Variants in ADAMTSL1 observed in about 807,000 individuals in gnomAD.
ADAMTSL1 encodes the protein ADAMTS-like protein 1.
In ADAMTSL1, 126 loss-of-function variants were observed where a neutral mutation model predicts 201.8. That is an observed-to-expected ratio of 0.62 (90% CI 0.54 to 0.72). ADAMTSL1 has a LOEUF of 0.72. ADAMTSL1 is among the 30% of genes least tolerant of loss of function. The probability of loss-of-function intolerance (pLI) is 0.00; values close to 1 mark genes in which losing one functional copy is unlikely to be tolerated. For missense variants in ADAMTSL1, 2,679 were observed against 2,277.8 expected, an observed-to-expected ratio of 1.18 and a Z score of -3.59; for synonymous variants, 1,121 against 903.4, an observed-to-expected ratio of 1.24 and a Z score of -4.32.
intron 2 of ADAMTSL1, among the ~76,000 whole-genome samples, chr9:18,223,697 T>G (rs1587346896): frequency 1.3e-5 from 2 of 152,122 alleles, no homozygotes. Flanking sequence ...TATATCTGTT[T>G]TATGTATTGT....
chr9:18,186,831 CAACA>C, intron 2 of ADAMTSL1, among the ~76,000 whole-genome samples: 1 of 104,028 alleles, frequency 9.6e-6, no homozygotes, highest in African/African-American at 3.3e-5. Flanking sequence ...TATCACTGTA[CAACA>C]CACACACACA....
intron 1 of ADAMTSL1, among the ~76,000 whole-genome samples, chr9:18,019,958 G>A (rs1380263236): frequency 6.6e-6 from 1 of 152,100 alleles, no homozygotes; most frequent in Non-Finnish European, 1.5e-5. Context: ...CTATGCACCA[G>A]TGACTTCCTT....
chr9:18,577,940 T>G (rs1406423948), intron 4 of ADAMTSL1, among the ~76,000 whole-genome samples: 1 of 151,968 alleles, frequency 6.6e-6, no homozygotes. Flanking sequence ...TTCTTTGAAC[T>G]GGAGATAGTT....
At chr9:18,838,360 TACACACACACACACACACAC>T (rs775337751) in intron 23 of ADAMTSL1, among the ~76,000 whole-genome samples, 2,004 of 86,748 alleles carry the variant, frequency 0.023, 17 homozygotes, top group South Asian at 0.062. Flanking sequence ...CAAACCATAT[TACACACACACACACACACAC>T]ACACACACAC....
chr9:17,910,091 C>T (rs112649297), intron 1 of ADAMTSL1, among the ~76,000 whole-genome samples: 25,270 of 66,796 alleles, frequency 0.38, 11,786 homozygotes, highest in East Asian at 0.83. Context: ...CCAGTCCCGG[C>T]GCTGTCCCTA....
In ADAMTSL1 at chr9:18,817,249, A is replaced by T. The variant is rs950317606; in HGVS notation, c.3934+12A>T. On this transcript the variant is annotated intron_variant, in intron 21 of 28. Coordinates refer to ENST00000380548, the MANE Select transcript of ADAMTSL1 (RefSeq NM_001040272.6). Reference sequence around the variant, plus strand: ...CTGCCAGGTTGCAGGTGAGAAATTAATGTTCATTTGTTCACACGTTAATGG... The same window carrying T: ...CTGCCAGGTTGCAGGTGAGAAATTATTGTTCATTTGTTCACACGTTAATGG... 1 of 1,550,612 alleles carries T rather than the reference A, an allele frequency of 6.4e-7. No individual in the cohort carries two copies. The highest frequency in any genetic ancestry group is 8.7e-7 in the Non-Finnish European group (1 of 1,146,614).
intron 1 of ADAMTSL1, among the ~76,000 whole-genome samples, chr9:17,928,307 G>C (rs1588430470): frequency 6.6e-6 from 1 of 151,992 alleles, no homozygotes; most frequent in Non-Finnish European, 1.5e-5. Flanking sequence ...TTCTTTTTCT[G>C]TATACAAGAA....
At chr9:18,221,624 G>T (rs1360485209) in intron 2 of ADAMTSL1, among the ~76,000 whole-genome samples, 1 of 151,944 alleles carries the variant, frequency 6.6e-6, no homozygotes, top group Non-Finnish European at 1.5e-5. Flanking sequence ...ATATGTAATT[G>T]TTGTTATAAT....
intron 1 of ADAMTSL1, among the ~76,000 whole-genome samples, chr9:17,982,014 TCAGATGCACTTAAAA>T (rs1818726937): frequency 6.6e-6 from 1 of 152,188 alleles, no homozygotes. Context: ...GGCTTTCCAC[TCAGATGCACTTAAAA>T]AGGGAGAAGG....
intron 1 of ADAMTSL1, among the ~76,000 whole-genome samples, chr9:18,066,034 A>G (rs1249543613): frequency 1.3e-5 from 2 of 150,730 alleles, no homozygotes; most frequent in Non-Finnish European, 3.0e-5. Flanking sequence ...CACCACAATG[A>G]CCAGTTCTCC....
intron 15 of ADAMTSL1, among the ~76,000 whole-genome samples, chr9:18,735,977 C>G (rs1158952592): frequency 6.6e-6 from 1 of 151,778 alleles, no homozygotes; most frequent in East Asian, 1.9e-4. Context: ...AACTTCCACC[C>G]TAGACTAGTA....
intron 22 of ADAMTSL1, among the ~76,000 whole-genome samples, chr9:18,827,804 G>A (rs937936118): frequency 6.6e-6 from 1 of 152,144 alleles, no homozygotes; most frequent in Non-Finnish European, 1.5e-5. Context: ...TGTTCGAAGA[G>A]CAAAACATCT....
intron 2 of ADAMTSL1, among the ~76,000 whole-genome samples, chr9:18,432,880 G>A (rs1483847375): frequency 6.6e-6 from 1 of 152,190 alleles, no homozygotes; most frequent in East Asian, 1.9e-4. Flanking sequence ...ACAGTAGCAA[G>A]TGTCCCTGCC....
intron 15 of ADAMTSL1, 114 bp from the exon 16 acceptor site, chr9:18,753,184 G>A: frequency 1.0e-6 from 1 of 983,874 alleles, no homozygotes; most frequent in Admixed American, 2.0e-5. Flanking sequence ...GCCAATCTTG[G>A]GCTGGCACTT....
At chr9:18,743,112 C>T (rs562483639) in intron 15 of ADAMTSL1, among the ~76,000 whole-genome samples, 48 of 152,252 alleles carry the variant, frequency 3.2e-4, no homozygotes, top group Admixed American at 2.7e-3. Context: ...TTTTAATGTG[C>T]TATCACTCAG....
intron 1 of ADAMTSL1, among the ~76,000 whole-genome samples, chr9:18,099,357 T>TATATATATATATATGTATA (rs58492343): frequency 3.5e-5 from 2 of 57,170 alleles, no homozygotes; most frequent in Admixed American, 1.8e-4. Flanking sequence ...ATATATATAT[T>TATATATATATATATGTATA]TTTTTTTTTT....
At chr9:18,161,988 CT>C (rs994711666) in intron 1 of ADAMTSL1, among the ~76,000 whole-genome samples, 70 of 152,080 alleles carry the variant, frequency 4.6e-4, no homozygotes, top group African/African-American at 1.6e-3. Context: ...TTTTCTATTG[CT>C]GCCATAACAA....
chr9:18,484,517 G>A (rs1177773086), intron 1 of ADAMTSL1, among the ~76,000 whole-genome samples: 2 of 152,126 alleles, frequency 1.3e-5, no homozygotes, highest in Non-Finnish European at 2.9e-5. Flanking sequence ...CTTAATGGGT[G>A]TATTACTTTG....
chr9:17,992,657 A>G (rs745334258), intron 1 of ADAMTSL1, among the ~76,000 whole-genome samples: 1 of 152,142 alleles, frequency 6.6e-6, no homozygotes, highest in Admixed American at 6.5e-5. Context: ...CCTGTGTGGC[A>G]GCATGGGCCT....
Sources: gnomAD v4.1 joint callset for allele counts (sites outside exome capture counted in the v4.1 genomes callset) on GRCh38, gnomAD v4.1.1 for gene constraint, MANE v1.5 for transcripts, NCBI Gene and HGNC (gene_info 2026-07-23, HGNC 2026-07-21) for gene names.